The following DNAH12 variants were observed in gnomAD, a reference collection of about 807,000 sequenced individuals.
The protein encoded by DNAH12 is axonemal beta dynein heavy chain 12.
Under a neutral mutation model 371.5 loss-of-function variants are expected in DNAH12, and 285 were observed. The observed-to-expected ratio is 0.77, with a 90% CI of 0.70 to 0.85. The LOEUF (loss-of-function observed/expected upper bound fraction) is 0.85, where lower values mean the gene tolerates loss of function less well. DNAH12 is among the 40% of genes least tolerant of loss of function. The pLI is 0.00. For missense variants in DNAH12, 3,611 were observed against 3,689.4 expected (o/e 0.98, Z 0.55); for synonymous variants, 1,200 against 1,213.0 (o/e 0.99, Z 0.22).
chr3:57,494,345 G>T (rs534368986), intron 11 of DNAH12, among the ~76,000 whole-genome samples: 3 of 152,076 alleles, frequency 2.0e-5, no homozygotes, highest in Non-Finnish European at 4.4e-5. Context: ...TTGAGCCCAG[G>T]AGTTTGAGAC....
In DNAH12 at chr3:57,405,818, A is replaced by G. The variant is rs1180305423; in HGVS notation, c.6411T>C (p.Thr2137=). 14 of 1,551,584 alleles carry G rather than the reference A, an allele frequency of 9.0e-6. No homozygotes were observed. The highest frequency in any genetic ancestry group is 1.1e-5 in the Non-Finnish European group (13 of 1,146,988). The part of the protein sequence containing the change: ...IERDAVANKH[T]MIRLFVHEVL... ...CCTCATGCACAAACAGACGGATCAT[A>G]GTGTGTTTGTTCGCCACGGCGTCTC... The change falls in exon 41 of 74, where the codon ACT becomes ACC. Residue 2137 remains threonine (T), a synonymous_variant. Transcript: ENST00000495027.
chr3:57,311,009 T>C, intron 66 of DNAH12, 59 bp from the exon 67 acceptor site: 4 of 1,178,708 alleles, frequency 3.4e-6, no homozygotes, highest in Non-Finnish European at 4.9e-6. Context: ...TCATTTCCAT[T>C]TTAAGTATGT....
intron 16 of DNAH12, among the ~76,000 whole-genome samples, 169 bp downstream of exon 16, chr3:57,470,274 T>TA (rs2153380220): frequency 1.3e-5 from 2 of 152,250 alleles, no homozygotes; most frequent in East Asian, 3.9e-4. Flanking sequence ...TTAGTAAGGT[T>TA]AGTGGGACCT....
At chr3:57,410,508 T>TG (rs1329236541) in intron 39 of DNAH12, among the ~76,000 whole-genome samples, 1 of 152,096 alleles carries the variant, frequency 6.6e-6, no homozygotes, top group Non-Finnish European at 1.5e-5. Context: ...ATAAACAGTA[T>TG]GGAAGTTAGG....
chr3:57,538,101 T>TA (rs2069128044), intron 2 of DNAH12, among the ~76,000 whole-genome samples: 1 of 152,164 alleles, frequency 6.6e-6, no homozygotes, highest in African/African-American at 2.4e-5. Context: ...AAGATAAAGT[T>TA]AGTTTTCAAA....
At chr3:57,340,350 T>C (rs1369032290) in intron 60 of DNAH12, among the ~76,000 whole-genome samples, 3 of 149,078 alleles carry the variant, frequency 2.0e-5, no homozygotes, top group Non-Finnish European at 4.5e-5. Flanking sequence ...ACTAAAAAAA[T>C]AGAAAAGATC....
Position 57,309,203 on chromosome 3 carries a change from A to G in DNAH12, c.11137T>C (p.Tyr3713His). ...AACACAGTATTCATGCTTTCTTCAT[A>G]TCTCACAGGATACTTCCGTAGTGCC... ...EMALRKYPVRYEESMNTVLVQ... is the reference protein window; with the variant it reads ...EMALRKYPVRHEESMNTVLVQ... Residue 3713 changes from tyrosine to histidine, a missense_variant, in exon 69 of 74, where the codon TAT (tyrosine) becomes CAT (histidine). This residue lies in a region of DNAH12 where 2,266 missense variants were observed against 2,236.9 expected (regional missense o/e 1.01). Coordinates refer to ENST00000495027, the MANE Select transcript of DNAH12 (RefSeq NM_001366028.2). The G allele has an allele frequency of 6.4e-7, 1 of 1,550,544 alleles. No homozygotes were observed. The highest frequency in any genetic ancestry group is 8.7e-7 in the Non-Finnish European group (1 of 1,146,720).
intron 62 of DNAH12, among the ~76,000 whole-genome samples, chr3:57,327,653 G>A (rs2061983295): frequency 6.6e-6 from 1 of 151,674 alleles, no homozygotes; most frequent in African/African-American, 2.4e-5. Context: ...AAAAGAACTA[G>A]AAAAGCAAGA....
At position 57,455,572 on chromosome 3, in the gene DNAH12, A is replaced by AAACAAC. The variant is rs71088077; in HGVS notation, c.3337-684_3337-679dup. 9.9e-3 allele frequency among the ~76,000 whole-genome samples: 1,488 copies of AAACAAC among 150,724 alleles called. 9 individuals are homozygous for AAACAAC. The highest frequency in any genetic ancestry group is 0.017 in the Non-Finnish European group (1,144 of 67,602). The stretch of plus-strand genomic sequence containing the variant: ...GCAACAGAGTGAGACTCTGTCTCAA[A>AAACAAC]AACAACAACAACAACAACAACAAAA... On this transcript the variant is annotated intron_variant, in intron 22 of 73. Coordinates refer to ENST00000495027, the MANE Select transcript of DNAH12 (RefSeq NM_001366028.2).
chr3:57,516,205 A>G (rs1239759590), intron 4 of DNAH12, among the ~76,000 whole-genome samples: 1 of 151,920 alleles, frequency 6.6e-6, no homozygotes, highest in Non-Finnish European at 1.5e-5. Flanking sequence ...CTGGGATTAC[A>G]GGCGTGGGCC....
chr3:57,539,426 A>G (rs1279182730), intron 2 of DNAH12, among the ~76,000 whole-genome samples: 1 of 152,156 alleles, frequency 6.6e-6, no homozygotes, highest in African/African-American at 2.4e-5. Flanking sequence ...AATGTACTGA[A>G]AGCATTCACA....
chr3:57,297,923 T>A (rs1301648363), intron 70 of DNAH12, among the ~76,000 whole-genome samples: 1 of 152,220 alleles, frequency 6.6e-6, no homozygotes, highest in Non-Finnish European at 1.5e-5. Context: ...TGGTCTCCTA[T>A]TCAAGATACT....
chr3:57,425,264 T>TTTG, intron 34 of DNAH12, 123 bp from the exon 35 acceptor site: 4 of 587,110 alleles, frequency 6.8e-6, no homozygotes, highest in Non-Finnish European at 1.2e-5. Flanking sequence ...TTTTTTGTTT[T>TTTG]TGAGATGGGA....
At chr3:57,381,762 C>A (rs1414282318) in intron 50 of DNAH12, among the ~76,000 whole-genome samples, 1 of 152,106 alleles carries the variant, frequency 6.6e-6, no homozygotes, top group Non-Finnish European at 1.5e-5. Flanking sequence ...CAGAAAGGAT[C>A]TTAGCTGGAA....
At chr3:57,461,873 A>C (rs753990759) in intron 18 of DNAH12, among the ~76,000 whole-genome samples, 184 bp from the exon 19 acceptor site, 20 of 152,326 alleles carry the variant, frequency 1.3e-4, no homozygotes, top group Middle Eastern at 3.4e-3. Context: ...AATTCCTAAG[A>C]AGAACGATTA....
At chr3:57,519,189 T>A (rs550598442) in intron 4 of DNAH12, among the ~76,000 whole-genome samples, 2 of 152,344 alleles carry the variant, frequency 1.3e-5, no homozygotes, top group African/African-American at 4.8e-5. Flanking sequence ...TTGCCATCCG[T>A]GTATCCTCTA....
At chr3:57,529,531 T>C in intron 2 of DNAH12, among the ~76,000 whole-genome samples, 1 of 152,222 alleles carries the variant, frequency 6.6e-6, no homozygotes, top group East Asian at 1.9e-4. Context: ...ATACAGTTGC[T>C]CATCATAGCC....
chr3:57,323,432 T>C, intron 63 of DNAH12, 37 bp downstream of exon 63: 1 of 1,498,670 alleles, frequency 6.7e-7, no homozygotes, highest in Non-Finnish European at 8.9e-7. Flanking sequence ...GATGTTTTAT[T>C]TATGATTTCT....
chr3:57,384,136 T>A lies in DNAH12; in HGVS notation c.7860+693A>T, dbSNP rs2063453726. Among the ~76,000 whole-genome samples, 5 of 152,216 alleles carry A rather than the reference T, an allele frequency of 3.3e-5. No homozygotes were observed. In the South Asian group the frequency reaches 1.0e-3, roughly 32 times the overall value. On this transcript the variant is annotated intron_variant, in intron 49 of 73. Transcript: ENST00000495027. The stretch of plus-strand genomic sequence containing the variant: ...GCCTAAAGACCTGTAAAAAGTTACG[T>A]ACAACATAATGTGGTACAGATAGGT...
Sources: gnomAD v4.1 joint callset for allele counts (sites outside exome capture counted in the v4.1 genomes callset) on GRCh38, gnomAD v4.1.1 for gene constraint, gnomAD v4.1.1 regional missense constraint, MANE v1.5 for transcripts, NCBI Gene and HGNC (gene_info 2026-07-23, HGNC 2026-07-21) for gene names.